BLTP1: variants seen among roughly 807,000 people sequenced by gnomAD.
The protein encoded by BLTP1 is bridge-like lipid transfer protein family member 1, also known as fragile site-associated protein.
At chr4:122,179,969 C>G in the BLTP1 span, 1 of 985,014 alleles carries the variant, frequency 1.0e-6, no homozygotes, top group Non-Finnish European at 1.2e-6. Flanking sequence ...ACAAGTATCC[C>G]TCCAAAAGAC....
At chr4:122,217,722 G>A in the BLTP1 span, among the ~76,000 whole-genome samples, 1 of 152,044 alleles carries the variant, frequency 6.6e-6, no homozygotes, top group Non-Finnish European at 1.5e-5. Context: ...GGTGATTACT[G>A]TCTTCAAAGA....
the BLTP1 span, among the ~76,000 whole-genome samples, chr4:122,156,265 G>A: frequency 2.0e-5 from 3 of 152,208 alleles, no homozygotes; most frequent in Non-Finnish European, 2.9e-5. Flanking sequence ...ATAGTTAAAA[G>A]CAACGGCAAT....
the BLTP1 span, chr4:122,347,209 T>C: frequency 2.0e-6 from 2 of 984,884 alleles, no homozygotes; most frequent in Non-Finnish European, 2.4e-6. Flanking sequence ...TTGTAGGTAA[T>C]GAAATCAAGA....
the BLTP1 span, chr4:122,346,409 A>C: frequency 1.0e-6 from 1 of 956,006 alleles, no homozygotes; most frequent in South Asian, 4.8e-5. Flanking sequence ...ATAAAGTGAT[A>C]ATAGAATTCC....
the BLTP1 span, among the ~76,000 whole-genome samples, chr4:122,321,979 ATTTTTTTTTTTTTTTTTTTTTTT>A: frequency 1.1e-4 from 3 of 27,018 alleles, no homozygotes; most frequent in African/African-American, 2.2e-4. Context: ...ACTACATGTA[ATTTTTTTTTTTTTTTTTTTTTTT>A]TTTTTTTTTT....
the BLTP1 span, chr4:122,220,984 A>T: frequency 1.9e-6 from 1 of 527,392 alleles, no homozygotes; most frequent in Non-Finnish European, 2.4e-6. Context: ...AAAATGTATT[A>T]CATTTCTGGG....
chr4:122,336,256 A>G, the BLTP1 span: 5 of 1,612,478 alleles, frequency 3.1e-6, no homozygotes, highest in African/African-American at 6.7e-5. Context: ...CACTTCAGTC[A>G]TTGCCAGAAG....
At chr4:122,288,964 A>C in the BLTP1 span, 1 of 1,138,864 alleles carries the variant, frequency 8.8e-7, no homozygotes. Flanking sequence ...TTTCTTCAAT[A>C]TATTGATTTC....
the BLTP1 span, chr4:122,337,109 A>T: frequency 8.1e-7 from 1 of 1,233,246 alleles, no homozygotes; most frequent in Non-Finnish European, 1.2e-6. Flanking sequence ...ACTGTTTAAA[A>T]GTTTTCTTAA....
At chr4:122,346,222 G>A in the BLTP1 span, among the ~76,000 whole-genome samples, 1 of 152,176 alleles carries the variant, frequency 6.6e-6, no homozygotes, top group African/African-American at 2.4e-5. Context: ...ACTGCTATTA[G>A]TCTGATAGGA....
chr4:122,206,841 AT>A, the BLTP1 span, among the ~76,000 whole-genome samples: 4 of 150,872 alleles, frequency 2.7e-5, no homozygotes, highest in Non-Finnish European at 5.9e-5. Context: ...ACAGCAGGTG[AT>A]TTTTTTTTAA....
At chr4:122,243,926 C>T in the BLTP1 span, 2 of 1,609,762 alleles carry the variant, frequency 1.2e-6, no homozygotes, top group Non-Finnish European at 1.7e-6. Context: ...AAGAGTGGAC[C>T]CTGGATCAAC....
At chr4:122,198,051 G>C in the BLTP1 span, 4 of 985,058 alleles carry the variant, frequency 4.1e-6, no homozygotes, top group South Asian at 1.9e-4. Flanking sequence ...GTAATTCTTA[G>C]CTCTTGTTTC....
the BLTP1 span, chr4:122,250,432 G>A: frequency 6.2e-7 from 1 of 1,613,798 alleles, no homozygotes. Context: ...ACACAGAAAG[G>A]GGTGGAGTGC....
chr4:122,342,517 G>A, the BLTP1 span, among the ~76,000 whole-genome samples: 7 of 151,872 alleles, frequency 4.6e-5, no homozygotes, highest in African/African-American at 1.5e-4. Flanking sequence ...CACCACGCCC[G>A]GCTAGTTTTT....
the BLTP1 span, among the ~76,000 whole-genome samples, chr4:122,242,018 C>T: frequency 5.9e-5 from 9 of 152,116 alleles, no homozygotes; most frequent in African/African-American, 2.2e-4. Flanking sequence ...CACTTGTGCG[C>T]TGTTGGTGGA....
At chr4:122,230,757 T>C in the BLTP1 span, among the ~76,000 whole-genome samples, 1 of 152,152 alleles carries the variant, frequency 6.6e-6, no homozygotes, top group South Asian at 2.1e-4. Context: ...GTGTGACTTT[T>C]TCCATCCCCA....
At chr4:122,189,107 G>C in the BLTP1 span, 6 of 955,176 alleles carry the variant, frequency 6.3e-6, no homozygotes, top group Non-Finnish European at 7.5e-6. Flanking sequence ...ATTATAGAGA[G>C]TAAGATGAAA....
the BLTP1 span, among the ~76,000 whole-genome samples, chr4:122,222,125 C>T: frequency 1.2e-4 from 18 of 152,194 alleles, no homozygotes; most frequent in East Asian, 1.9e-3. Context: ...CAACTTACCC[C>T]GAAGACAAAG....
Sources: allele counts gnomAD v4.1 joint callset (sites outside exome capture counted in the v4.1 genomes callset), GRCh38; gene constraint gnomAD v4.1.1; transcripts MANE v1.5; gene names NCBI Gene and HGNC (gene_info 2026-07-23, HGNC 2026-07-21).